The following GPR19 variants were observed in gnomAD, a reference collection of about 807,000 sequenced individuals.
The protein encoded by GPR19 is G protein-coupled receptor 19.
A neutral mutation model predicts 28.5 loss-of-function variants in GPR19; 14 were observed. The observed-to-expected ratio is 0.49, with a 90% CI of 0.32 to 0.77. GPR19 has a LOEUF of 0.77. GPR19 is among the 30% of genes least tolerant of loss of function. The pLI, the probability that GPR19 is intolerant of heterozygous loss-of-function variation, is 0.03. For synonymous variants in GPR19, 173 were observed against 184.1 expected (o/e 0.94, Z 0.49); for missense variants, 409 against 504.1 (o/e 0.81, Z 1.81).
chr12:12,674,136 T>C (rs914948367), intron 3 of GPR19, among the ~76,000 whole-genome samples: 1 of 137,020 alleles, frequency 7.3e-6, no homozygotes, highest in African/African-American at 2.8e-5. Flanking sequence ...CACTTGAACC[T>C]GGGAGGCGGA....
At chr12:12,699,281 G>C (rs533174276), upstream of GPR19, among the ~76,000 whole-genome samples, 7 of 152,162 alleles carry the variant, frequency 4.6e-5, no homozygotes, top group East Asian at 1.2e-3. Context: ...GGTGGAGGTT[G>C]CAGTGAGCCG....
chr12:12,708,777 G>A, the GPR19 span, among the ~76,000 whole-genome samples: 2 of 152,196 alleles, frequency 1.3e-5, no homozygotes, highest in African/African-American at 2.4e-5. Flanking sequence ...GGCTGGGCAC[G>A]GTGGCTCACG....
chr12:12,666,137 CT>C (rs1192985018), intron 3 of GPR19, among the ~76,000 whole-genome samples: 2 of 152,096 alleles, frequency 1.3e-5, no homozygotes, highest in East Asian at 1.9e-4. Flanking sequence ...CTGGGTTGAT[CT>C]TTTTTGGGGC....
intron 3 of GPR19, among the ~76,000 whole-genome samples, chr12:12,666,837 A>T (rs927715012): frequency 6.6e-6 from 1 of 152,214 alleles, no homozygotes; most frequent in Admixed American, 6.6e-5. Context: ...ATTGGGGATT[A>T]TGGTGATAGG....
At chr12:12,691,146 T>C (rs898887611) in intron 2 of GPR19, among the ~76,000 whole-genome samples, 17 of 150,988 alleles carry the variant, frequency 1.1e-4, no homozygotes, top group African/African-American at 4.1e-4. Flanking sequence ...AAAGGTCATA[T>C]CCCAAACTAA....
rs190780972 is a variant in GPR19, at chr12:12,678,664, T to A, written c.-23+5687A>T. ...TGCCCCCAATTTGAAGATTTATTTCTCTCTTTGGATATAGAACAAAATAAC... is the reference window on the plus strand; with the variant it reads ...TGCCCCCAATTTGAAGATTTATTTCACTCTTTGGATATAGAACAAAATAAC... On this transcript the variant is annotated intron_variant, in intron 3 of 3. Transcript: ENST00000651487. Among the ~76,000 whole-genome samples, 7 of 152,360 alleles carry A rather than the reference T, an allele frequency of 4.6e-5. No homozygotes were observed. The East Asian group carries it at 1.2e-3, about 25-fold the overall frequency.
chr12:12,684,057 T>C (rs1946059266), intron 3 of GPR19: 1 of 152,164 alleles, frequency 6.6e-6, no homozygotes, highest in African/African-American at 2.4e-5. Context: ...TTTCGGTAAT[T>C]TTTTCCCCTC....
At chr12:12,715,488 C>T in the GPR19 span, among the ~76,000 whole-genome samples, 1 of 152,238 alleles carries the variant, frequency 6.6e-6, no homozygotes, top group African/African-American at 2.4e-5. Flanking sequence ...TTTAGTTGAA[C>T]TAGTGGATGG....
At chr12:12,664,811 T>G (rs1407036234) in intron 3 of GPR19, among the ~76,000 whole-genome samples, 3 of 150,420 alleles carry the variant, frequency 2.0e-5, no homozygotes, top group Non-Finnish European at 4.4e-5. Flanking sequence ...TCCCAGCTAC[T>G]CGGGAGGCTG....
At chr12:12,681,666 C>G (rs962758236) in intron 3 of GPR19, among the ~76,000 whole-genome samples, 1 of 152,148 alleles carries the variant, frequency 6.6e-6, no homozygotes, top group South Asian at 2.1e-4. Context: ...TTGTGCAGCT[C>G]GCTCAGCAGG....
chr12:12,696,212 A>G (rs1759878090), upstream of GPR19: 2 of 152,322 alleles, frequency 1.3e-5, no homozygotes, highest in Admixed American at 1.3e-4. Context: ...CGCGCTAAAA[A>G]TGATGAGCCA....
intron 3 of GPR19, among the ~76,000 whole-genome samples, chr12:12,680,138 G>A (rs1463824554): frequency 2.0e-5 from 3 of 152,082 alleles, no homozygotes; most frequent in Non-Finnish European, 4.4e-5. Context: ...TTTCTAGAAT[G>A]ATATTTGTAT....
At chr12:12,693,329 C>T (rs1304410470) in intron 2 of GPR19, among the ~76,000 whole-genome samples, 1 of 152,224 alleles carries the variant, frequency 6.6e-6, no homozygotes, top group African/African-American at 2.4e-5. Context: ...ACAGCAGCCT[C>T]TCATTGGAAA....
intron 2 of GPR19, among the ~76,000 whole-genome samples, chr12:12,693,856 C>A (rs748274897): frequency 1.3e-5 from 2 of 152,126 alleles, no homozygotes; most frequent in Non-Finnish European, 2.9e-5. Context: ...GCGCGTGCCA[C>A]CACACCCAGC....
In GPR19 at chr12:12,662,036, C is replaced by T. The variant is rs777303248; in HGVS notation, c.413G>A (p.Cys138Tyr). ...ATATTGAAAATATCGCACAACCTTG[C>T]ACGTTGCACTACCCAGCGTCCACCT... ...TGRWTLGSAT[C>Y]KVVRYFQYLT... is the part of the protein sequence containing the mutation. The change falls in exon 4 of 4, where the codon TGC becomes TAC. Residue 138 changes from cysteine to tyrosine, a missense_variant. Cys to Tyr is a radical substitution (Grantham distance 194). Transcript: ENST00000651487. 37 of 1,614,104 alleles carry T rather than the reference C, an allele frequency of 2.3e-5. No homozygotes were observed. The highest frequency in any genetic ancestry group is 3.0e-5 in the Non-Finnish European group (35 of 1,180,024).
At chr12:12,712,677 GTTTA>G in the GPR19 span, among the ~76,000 whole-genome samples, 4 of 151,910 alleles carry the variant, frequency 2.6e-5, no homozygotes, top group South Asian at 4.1e-4. Context: ...TCTACCTCTA[GTTTA>G]TTTATTTGAG....
At chr12:12,674,274 CAAA>C (rs11423009) in intron 3 of GPR19, among the ~76,000 whole-genome samples, 4 of 103,852 alleles carry the variant, frequency 3.9e-5, no homozygotes, top group African/African-American at 7.4e-5. Context: ...CTATCTCTAC[CAAA>C]AAAAAAAAAA....
the GPR19 span, chr12:12,717,213 CGGGGAGGCGGCGCGCTCGGGAACGA>C: frequency 6.3e-4 from 656 of 1,048,710 alleles, 4 homozygotes; most frequent in African/African-American, 9.8e-3. Flanking sequence ...CGGCGGCGCT[CGGGGAGGCGGCGCGCTCGGGAACGA>C]GGGGAGGTGG....
chr12:12,661,312 G>T lies in GPR19; in HGVS notation c.1137C>A (p.Ser379=). The T allele has an allele frequency of 6.2e-7, 1 of 1,613,912 alleles. No homozygotes were observed. Among genetic ancestry groups the T allele is most frequent in the Non-Finnish European group, 8.5e-7 (1 of 1,179,786 alleles). ...KNYVGISEIP[S]MAKTITKDSI... ...AGTCTTTGGTAATAGTTTTGGCCAT[G>T]GAAGGGATTTCTGAAATGCCAACGT... Residue 379 remains serine (S), a synonymous_variant, in exon 4 of 4, where the codon TCC becomes TCA. Transcript: ENST00000651487. This position sits in a 1 kb window ranked among gnomAD's most constrained non-coding sequence, Gnocchi z 4.2.
Sources: gnomAD v4.1 joint callset for allele counts (sites outside exome capture counted in the v4.1 genomes callset) on GRCh38, gnomAD v4.1.1 for gene constraint, Gnocchi (gnomAD v3.1) non-coding constraint, MANE v1.5 for transcripts, NCBI Gene and HGNC (gene_info 2026-07-23, HGNC 2026-07-21) for gene names.